MYRFL: variants seen among roughly 807,000 people sequenced by gnomAD.
MYRFL encodes the protein myelin regulatory factor-like protein.
A neutral mutation model predicts 109.4 loss-of-function variants in MYRFL; 88 were observed. The observed-to-expected ratio is 0.80, with a 90% CI of 0.68 to 0.96. The LOEUF (loss-of-function observed/expected upper bound fraction) is 0.96. Among genes scored for constraint, MYRFL ranks in the 40% least tolerant of loss-of-function variants. MYRFL has a pLI of 0.00. For missense variants in MYRFL, 957 were observed against 954.9 expected, an observed-to-expected ratio of 1.00 and a Z score of -0.03; for synonymous variants, 324 against 320.9, an observed-to-expected ratio of 1.01 and a Z score of -0.10.
intron 1 of MYRFL, among the ~76,000 whole-genome samples, chr12:69,841,055 A>G (rs1397693458): frequency 6.6e-6 from 1 of 152,160 alleles, no homozygotes; most frequent in Admixed American, 6.5e-5. Flanking sequence ...GTTTGAAATA[A>G]CTGATTAGAT....
At position 69,886,963 on chromosome 12, in the gene MYRFL, G is replaced by T. The variant is rs1364001226; in HGVS notation, c.700G>T (p.Glu234Ter). Residue 234 changes from glutamate to a stop codon, truncating the protein, a stop_gained, in exon 6 of 25, where the codon GAA (glutamate) becomes TAA (stop). Coordinates refer to ENST00000552032, the MANE Select transcript of MYRFL (RefSeq NM_182530.3). LOFTEE classifies it high-confidence loss of function. ...PWHSLLNSHYEKLPDVGYRVV... is the reference protein window; with the variant it reads ...PWHSLLNSHY Reference sequence around the variant, plus strand: ...GCACAGCTTATTAAACAGTCATTATGAAAAACTGTAAGTGGCTTGAGTGGG... The same window carrying T: ...GCACAGCTTATTAAACAGTCATTATTAAAAACTGTAAGTGGCTTGAGTGGG... 1.3e-6 allele frequency: 2 copies of T among 1,535,820 alleles called. No homozygotes were observed. Among genetic ancestry groups the T allele is most frequent in the Non-Finnish European group, 1.7e-6 (2 of 1,146,676 alleles).
At chr12:69,911,431 G>A (rs553705008) in intron 13 of MYRFL, among the ~76,000 whole-genome samples, 6 of 152,236 alleles carry the variant, frequency 3.9e-5, no homozygotes, top group South Asian at 2.1e-4. Flanking sequence ...TGATGAAACG[G>A]TGTTTGACTT....
At chr12:69,829,833 A>T (rs1882513733) in intron 1 of MYRFL, among the ~76,000 whole-genome samples, 1 of 152,144 alleles carries the variant, frequency 6.6e-6, no homozygotes, top group South Asian at 2.1e-4. Flanking sequence ...CTGGTTTCTG[A>T]ATTTCTGACA....
At chr12:69,843,814 A>G (rs1306521721) in intron 1 of MYRFL, among the ~76,000 whole-genome samples, 1 of 152,228 alleles carries the variant, frequency 6.6e-6, no homozygotes, top group African/African-American at 2.4e-5. Context: ...TTACAAAAGC[A>G]GTGCAGGGAC....
In MYRFL at chr12:69,825,430, G is replaced by A. The variant is rs997117062; in HGVS notation, c.-88G>A. On this transcript the variant is annotated 5_prime_UTR_variant, in exon 1 of 25. Coordinates refer to ENST00000552032, the MANE Select transcript of MYRFL (RefSeq NM_182530.3). ...AAATGAAGATTTTTCAAGAGCATTC[G>A]TAGGCTTCGAATCAAAAGGACAGTA... 85 of 692,856 alleles carry A rather than the reference G, an allele frequency of 1.2e-4. No individual in the cohort carries two copies. The highest frequency in any genetic ancestry group is 2.3e-4 in the Middle Eastern group (1 of 4,306). The allele number at this position is 692,856 out of a possible 1,614,324, so 42.9% of individuals were successfully genotyped here.
chr12:69,831,524 TGACTACCTGTGG>T (rs1175088607), intron 1 of MYRFL, among the ~76,000 whole-genome samples: 2 of 152,192 alleles, frequency 1.3e-5, no homozygotes, highest in Admixed American at 1.3e-4. Flanking sequence ...GCTCTGCCAC[TGACTACCTGTGG>T]GACTATGGAT....
At position 69,879,388 on chromosome 12, in the gene MYRFL, A is replaced by G; in HGVS notation, c.399A>G (p.Gln133=). The stretch of plus-strand genomic sequence containing the variant: ...GTCATCTTGCCACCCCCCTGGACCA[A>G]TCCGTGTCCTCCCATCTGGGGATAG... ...NASHLATPLD[Q]SVSSHLGIGC... The change falls in exon 4 of 25, where the codon CAA becomes CAG. Residue 133 remains glutamine, a synonymous_variant. Transcript: ENST00000552032. The G allele has an allele frequency of 1.4e-6, 1 of 702,858 alleles. No individual in the cohort carries two copies. Among genetic ancestry groups the G allele is most frequent in the Non-Finnish European group, 2.6e-6 (1 of 384,832 alleles). 43.5% of individuals were successfully genotyped at this position (702,858 alleles called of 1,614,324 possible). A position where few individuals can be genotyped will look rare whatever the true frequency, so the allele number is the denominator to read the frequency against.
At position 69,859,827 on chromosome 12, in the gene MYRFL, G is replaced by A. The variant is rs60516864; in HGVS notation, c.137+4457G>A. On this transcript the variant is annotated intron_variant, in intron 2 of 24. Coordinates refer to ENST00000552032, the MANE Select transcript of MYRFL (RefSeq NM_182530.3). ...ACACTTTTACACTGTTGGTAGGAAC[G>A]TAAACTAGTTCATCCATTGTGGAAG... 0.018 allele frequency among the ~76,000 whole-genome samples: 2,714 copies of A among 152,222 alleles called. 198 individuals are homozygous for A. In the East Asian group the frequency reaches 0.22, roughly 12 times the overall value.
chr12:69,893,780 A>G lies in MYRFL; in HGVS notation c.920A>G (p.Gln307Arg). The G allele has an allele frequency of 7.0e-7, 1 of 1,436,424 alleles. No individual in the cohort carries two copies. The highest frequency in any genetic ancestry group is 9.1e-7 in the Non-Finnish European group (1 of 1,097,114). The allele number at this position is 1,436,424 out of a possible 1,614,324, so 89.0% of individuals were successfully genotyped here. Residue 307 changes from glutamine (Q) to arginine (R), a missense_variant, in exon 8 of 25, where the codon CAA becomes CGA. Gln to Arg is a conservative substitution (Grantham distance 43, BLOSUM62 1). Transcript: ENST00000552032. Reference protein sequence around the residue: ...VFGTKVEATNQIIAIEQSQAD... With the variant: ...VFGTKVEATNRIIAIEQSQAD... ...TTCATACAGGTGGAAGCTACCAATC[A>G]AATAATTGCTATTGAACAGTCCCAA...
intron 13 of MYRFL, among the ~76,000 whole-genome samples, chr12:69,911,974 A>G (rs1954585802): frequency 6.6e-6 from 1 of 152,246 alleles, no homozygotes. Flanking sequence ...CCTCCTGGTA[A>G]TGCCAATCTT....
At chr12:69,832,207 G>A (rs1334943004) in intron 1 of MYRFL, among the ~76,000 whole-genome samples, 2 of 152,062 alleles carry the variant, frequency 1.3e-5, no homozygotes, top group Non-Finnish European at 2.9e-5. Context: ...TACATTTTTT[G>A]AGCAATGTTA....
At chr12:69,891,296 C>A in intron 7 of MYRFL, 130 bp downstream of exon 7, 2 of 663,704 alleles carry the variant, frequency 3.0e-6, no homozygotes, top group Non-Finnish European at 4.6e-6. Context: ...CACAAATCTG[C>A]AACTGGGTCA....
intron 2 of MYRFL, among the ~76,000 whole-genome samples, chr12:69,860,776 CAT>C (rs1055316991): frequency 5.3e-5 from 8 of 151,520 alleles, no homozygotes; most frequent in Non-Finnish European, 8.8e-5. Flanking sequence ...TTTTAGGGCA[CAT>C]GTGCACAATG....
intron 6 of MYRFL, among the ~76,000 whole-genome samples, chr12:69,889,415 A>G (rs1319765411): frequency 1.3e-5 from 2 of 152,066 alleles, no homozygotes; most frequent in Non-Finnish European, 2.9e-5. Flanking sequence ...AGTATTCCTT[A>G]TCTGAAATGT....
At chr12:69,879,561 A>G in intron 4 of MYRFL, 108 bp downstream of exon 4, 1 of 604,214 alleles carries the variant, frequency 1.7e-6, no homozygotes. Context: ...TGTCCAGGAG[A>G]TGGCAGTGTT....
At chr12:69,919,182 C>T (rs1001512212) in intron 13 of MYRFL, among the ~76,000 whole-genome samples, 1 of 152,064 alleles carries the variant, frequency 6.6e-6, no homozygotes, top group Non-Finnish European at 1.5e-5. Context: ...ACTGAGTTGG[C>T]CCTGAGGAGT....
chr12:69,874,981 A>T (rs1565986799), intron 2 of MYRFL, among the ~76,000 whole-genome samples: 1 of 150,806 alleles, frequency 6.6e-6, no homozygotes, highest in African/African-American at 2.4e-5. Context: ...ATATAAATGT[A>T]TATATCTAAG....
intron 2 of MYRFL, among the ~76,000 whole-genome samples, chr12:69,863,980 C>A (rs1884853096): frequency 6.6e-6 from 1 of 152,212 alleles, no homozygotes; most frequent in Non-Finnish European, 1.5e-5. Context: ...GACCCACTGC[C>A]TTCTAGCCTC....
intron 1 of MYRFL, among the ~76,000 whole-genome samples, chr12:69,833,439 G>A (rs955085732): frequency 1.3e-5 from 2 of 152,338 alleles, no homozygotes; most frequent in South Asian, 4.1e-4. Context: ...AGGATGTCCA[G>A]TCAGTGGGTC....
Sources: allele counts gnomAD v4.1 joint callset (sites outside exome capture counted in the v4.1 genomes callset), GRCh38; gene constraint gnomAD v4.1.1; transcripts MANE v1.5; gene names NCBI Gene and HGNC (gene_info 2026-07-23, HGNC 2026-07-21).